Variants in ESYT2 observed in about 807,000 individuals in gnomAD.
The protein encoded by ESYT2 is extended synaptotagmin 2, also known as extended synaptotagmin-2.
A neutral mutation model predicts 107.2 loss-of-function variants in ESYT2; 54 were observed. The ratio of observed to expected loss-of-function variants is 0.50; its 90% CI spans 0.40 to 0.63. The LOEUF (loss-of-function observed/expected upper bound fraction) is 0.63. Among genes scored for constraint, ESYT2 ranks in the 30% least tolerant of loss-of-function variants. ESYT2 has a pLI of 0.00. For missense variants in ESYT2, 1,020 were observed against 1,094.5 expected, an observed-to-expected ratio of 0.93 and a Z score of 0.96; for synonymous variants, 491 against 434.1, an observed-to-expected ratio of 1.13 and a Z score of -1.63.
intron 1 of ESYT2, among the ~76,000 whole-genome samples, chr7:158,826,210 A>G (rs1327306249): frequency 6.6e-6 from 1 of 152,218 alleles, no homozygotes; most frequent in Non-Finnish European, 1.5e-5. Flanking sequence ...AGTATATTAC[A>G]CTTTTAATAA....
At chr7:158,753,251 A>G (rs1324445114) in intron 13 of ESYT2, among the ~76,000 whole-genome samples, 1 of 152,162 alleles carries the variant, frequency 6.6e-6, no homozygotes, top group African/African-American at 2.4e-5. Context: ...ACAGCCGCCC[A>G]AGTCCCTCTC....
chr7:158,805,111 C>T (rs1488172772), intron 1 of ESYT2, among the ~76,000 whole-genome samples: 1 of 152,170 alleles, frequency 6.6e-6, no homozygotes, highest in Non-Finnish European at 1.5e-5. Flanking sequence ...GATCTCTGCT[C>T]GTCCCCACAG....
At chr7:158,780,331 C>T (rs748185641) in intron 6 of ESYT2, among the ~76,000 whole-genome samples, 1 of 152,214 alleles carries the variant, frequency 6.6e-6, no homozygotes, top group Non-Finnish European at 1.5e-5. Context: ...CAATTAAGAT[C>T]TTTCTCGCCA....
Position 158,735,786 on chromosome 7 carries a change from A to T in ESYT2, c.2400-178T>A, listed in dbSNP as rs560762825. 8.5e-5 allele frequency among the ~76,000 whole-genome samples: 13 copies of T among 152,110 alleles called. No individual in the cohort carries two copies. The South Asian group carries it at 2.5e-3, about 29-fold the overall frequency. On this transcript the variant is annotated intron_variant, in intron 20 of 22. Coordinates refer to ENST00000275418, the MANE Select transcript of ESYT2 (RefSeq NM_001367773.1). ...ATTTCAGGAAGACTCAAAAACCAAC[A>T]TTTTTTTCATTTCCCACACATAAAA...
At chr7:158,744,961 A>T (rs1837348411) in intron 16 of ESYT2, among the ~76,000 whole-genome samples, 2 of 152,234 alleles carry the variant, frequency 1.3e-5, no homozygotes, top group Admixed American at 6.5e-5. Context: ...GTAAGCATAG[A>T]TTATTTTGAG....
intron 8 of ESYT2, among the ~76,000 whole-genome samples, chr7:158,765,859 C>T (rs923441285): frequency 7.2e-5 from 11 of 152,086 alleles, no homozygotes; most frequent in Non-Finnish European, 1.0e-4. Context: ...ATGCTCAAGT[C>T]ACCTTTTGGT....
chr7:158,790,262 T>G (rs185735638), intron 4 of ESYT2, among the ~76,000 whole-genome samples: 2 of 152,208 alleles, frequency 1.3e-5, no homozygotes, highest in African/African-American at 4.8e-5. Context: ...TTAAATACTT[T>G]GTAAACTCAA....
intron 1 of ESYT2, among the ~76,000 whole-genome samples, chr7:158,826,308 T>TTC (rs1840443354): frequency 6.6e-6 from 1 of 152,220 alleles, no homozygotes; most frequent in Admixed American, 6.5e-5. Context: ...TCAAGTTTCA[T>TTC]GTGAATCCTT....
chr7:158,734,257 G>GA lies in ESYT2; in HGVS notation c.2556-6dup, dbSNP rs1456727989. ...CCATCTTCCGTGAGGTCATACCTGAGAAAGACAGTGACAGGAAGGTGGTGA... is the reference window on the plus strand; with the variant it reads ...CCATCTTCCGTGAGGTCATACCTGAGAAAAGACAGTGACAGGAAGGTGGTGA... On this transcript the variant is annotated splice_region_variant and splice_polypyrimidine_tract_variant and intron_variant, in intron 22 of 22. Transcript: ENST00000275418. 1 of 1,614,132 alleles carries GA rather than the reference G, an allele frequency of 6.2e-7. No homozygotes were observed. The highest frequency in any genetic ancestry group is 1.7e-5 in the Admixed American group (1 of 60,014).
chr7:158,795,559 C>T (rs541148989), intron 3 of ESYT2, among the ~76,000 whole-genome samples: 24 of 152,242 alleles, frequency 1.6e-4, no homozygotes, highest in African/African-American at 5.5e-4. Context: ...GAGGGAGAGA[C>T]AGCAGGACAA....
intron 21 of ESYT2, 76 bp from the exon 22 acceptor site, chr7:158,734,547 G>A: frequency 7.3e-7 from 1 of 1,370,376 alleles, no homozygotes; most frequent in South Asian, 1.3e-5. Context: ...CCAGCACTTT[G>A]GGAGGCCAAG....
At chr7:158,782,399 CAAGT>C (rs71781843) in intron 6 of ESYT2, among the ~76,000 whole-genome samples, 175 of 111,878 alleles carry the variant, frequency 1.6e-3, no homozygotes, top group African/African-American at 5.1e-3. Flanking sequence ...AGAACGAGAA[CAAGT>C]GAGTGAACGA....
intron 9 of ESYT2, 97 bp downstream of exon 9, chr7:158,764,580 G>C: frequency 7.9e-7 from 1 of 1,262,102 alleles, no homozygotes. Flanking sequence ...GCCTAAATGA[G>C]CCACACTCCC....
At chr7:158,804,054 T>C (rs1442541711) in intron 1 of ESYT2, among the ~76,000 whole-genome samples, 1 of 36,114 alleles carries the variant, frequency 2.8e-5, no homozygotes, top group Non-Finnish European at 4.9e-5. Context: ...ACCCAAACTG[T>C]TGAGAAGGGT....
chr7:158,817,231 C>G (rs1390822439), intron 1 of ESYT2, among the ~76,000 whole-genome samples: 1 of 152,168 alleles, frequency 6.6e-6, no homozygotes, highest in East Asian at 1.9e-4. Flanking sequence ...TTAAGACTGA[C>G]AGAACTGACA....
At chr7:158,748,164 T>C in intron 16 of ESYT2, 30 bp downstream of exon 16, 3 of 1,598,640 alleles carry the variant, frequency 1.9e-6, no homozygotes, top group African/African-American at 2.7e-5. Context: ...TATTTGTCAA[T>C]AAATTGGTTA....
At chr7:158,779,829 A>G (rs140539995) in intron 6 of ESYT2, among the ~76,000 whole-genome samples, 1 of 152,262 alleles carries the variant, frequency 6.6e-6, no homozygotes, top group African/African-American at 2.4e-5. Context: ...TGACTCGGGT[A>G]TTTGCTTACA....
chr7:158,786,418 G>A lies in ESYT2; in HGVS notation c.747+1586C>T, dbSNP rs578128029. ...AAACATAGAGGACTTTTAATGACTGGTATGGGAAAAAAAACACATTAATTT... is the reference window on the plus strand; with the variant it reads ...AAACATAGAGGACTTTTAATGACTGATATGGGAAAAAAAACACATTAATTT... On this transcript the variant is annotated intron_variant, in intron 6 of 22. Transcript: ENST00000275418. Among the ~76,000 whole-genome samples the A allele has an allele frequency of 2.6e-5, 4 of 151,936 alleles. No individual in the cohort carries two copies. The South Asian group carries it at 6.2e-4, about 24-fold the overall frequency.
chr7:158,759,095 G>A (rs1192704174), intron 13 of ESYT2, among the ~76,000 whole-genome samples: 2 of 152,156 alleles, frequency 1.3e-5, no homozygotes, highest in East Asian at 1.9e-4. Flanking sequence ...GCTCACGCAC[G>A]GCCCTGCGAC....
Sources: allele counts gnomAD v4.1 joint callset (sites outside exome capture counted in the v4.1 genomes callset), GRCh38; gene constraint gnomAD v4.1.1; transcripts MANE v1.5; gene names NCBI Gene and HGNC (gene_info 2026-07-23, HGNC 2026-07-21).